The following RAB11FIP3 variants were observed in gnomAD, a reference collection of about 807,000 sequenced individuals.
RAB11FIP3 encodes rab11 family-interacting protein 3.
RAB11FIP3 carries 17 observed loss-of-function variants against 77.8 expected under a neutral mutation model. The ratio of observed to expected loss-of-function variants is 0.22; its 90% CI spans 0.15 to 0.33. The LOEUF is 0.33. Ranked by LOEUF, RAB11FIP3 falls within the 10% of genes least tolerant of loss-of-function variation. The probability of loss-of-function intolerance (pLI) is 1.00; values close to 1 mark genes in which losing one functional copy is unlikely to be tolerated. For missense variants in RAB11FIP3, 1,005 were observed against 1,011.2 expected, an observed-to-expected ratio of 0.99 and a Z score of 0.08; for synonymous variants, 437 against 448.2, an observed-to-expected ratio of 0.98 and a Z score of 0.31.
At position 471,814 on chromosome 16, in the gene RAB11FIP3, T is replaced by C. The variant is rs892375778; in HGVS notation, c.903+425T>C. On this transcript the variant is annotated intron_variant, in intron 3 of 13. Transcript: ENST00000262305. The surrounding 1 kb of genome is among the most constrained non-coding windows in gnomAD (Gnocchi z 4.4). The stretch of plus-strand genomic sequence containing the variant: ...CTCCCAGATGCAGCCAGGGTTGTCA[T>C]GGTGACGTGGCGTCTCCTGTGTCTC... 6.6e-6 allele frequency among the ~76,000 whole-genome samples: 1 copy of C among 152,154 alleles called. No individual in the cohort carries two copies. The highest frequency in any genetic ancestry group is 1.5e-5 in the Non-Finnish European group (1 of 68,006).
At chr16:519,334 G>T (rs778914012) in intron 10 of RAB11FIP3, among the ~76,000 whole-genome samples, 6 of 152,232 alleles carry the variant, frequency 3.9e-5, no homozygotes, top group Non-Finnish European at 8.8e-5. Flanking sequence ...TACACATGGG[G>T]CTCCCACACC....
At chr16:432,788 T>A (rs1253899462) in intron 1 of RAB11FIP3, among the ~76,000 whole-genome samples, 3 of 151,516 alleles carry the variant, frequency 2.0e-5, no homozygotes, top group African/African-American at 7.3e-5. Flanking sequence ...GTATTTTTAA[T>A]AGAGATGGGG....
chr16:480,787 T>G (rs1596253820), intron 3 of RAB11FIP3, among the ~76,000 whole-genome samples: 2 of 135,446 alleles, frequency 1.5e-5, no homozygotes, highest in African/African-American at 5.1e-5. Flanking sequence ...CGTGAGCCAC[T>G]GCGCCCGGCC....
intron 4 of RAB11FIP3, among the ~76,000 whole-genome samples, chr16:486,421 A>G (rs1233142355): frequency 2.0e-5 from 3 of 152,164 alleles, no homozygotes; most frequent in African/African-American, 7.2e-5. Context: ...GAACCCAGAG[A>G]GGCAGAGTTT....
At chr16:453,450 C>T (rs2055442396) in intron 1 of RAB11FIP3, 1 of 152,174 alleles carries the variant, frequency 6.6e-6, no homozygotes, top group African/African-American at 2.4e-5. Context: ...TGTGGAATGA[C>T]ATTTTGCATG....
intron 1 of RAB11FIP3, among the ~76,000 whole-genome samples, chr16:427,506 G>T (rs1013983345): frequency 1.3e-5 from 2 of 152,358 alleles, no homozygotes; most frequent in African/African-American, 4.8e-5. Context: ...TGGGCCCCAA[G>T]ATGCAGTTGT....
At chr16:431,278 G>A (rs960925664) in intron 1 of RAB11FIP3, among the ~76,000 whole-genome samples, 2 of 152,126 alleles carry the variant, frequency 1.3e-5, no homozygotes, top group Non-Finnish European at 2.9e-5. Context: ...CTGAATTGCT[G>A]AAAGGCAAAT....
chr16:473,308 C>G (rs1186089768), intron 3 of RAB11FIP3, among the ~76,000 whole-genome samples: 4 of 152,136 alleles, frequency 2.6e-5, no homozygotes, highest in Admixed American at 2.6e-4. Flanking sequence ...ATCCTGATTT[C>G]TTTTTTAGAA....
chr16:444,877 G>C (rs1023226764), intron 1 of RAB11FIP3, among the ~76,000 whole-genome samples: 7 of 152,042 alleles, frequency 4.6e-5, no homozygotes, highest in Non-Finnish European at 1.0e-4. Flanking sequence ...CACTTCGGGA[G>C]GCCAAGGCAG....
intron 5 of RAB11FIP3, among the ~76,000 whole-genome samples, chr16:493,850 C>T (rs983692117): frequency 4.1e-5 from 6 of 147,586 alleles, no homozygotes; most frequent in Admixed American, 2.0e-4. Flanking sequence ...CCTTGACCCC[C>T]CAAAGTGCTG....
At chr16:484,363 T>C (rs1489017267) in intron 4 of RAB11FIP3, among the ~76,000 whole-genome samples, 2 of 151,964 alleles carry the variant, frequency 1.3e-5, no homozygotes, top group Non-Finnish European at 2.9e-5. Context: ...GCCATTTTTT[T>C]TTTTTTGAGA....
chr16:431,382 C>A (rs989147415), intron 1 of RAB11FIP3, among the ~76,000 whole-genome samples: 1 of 143,456 alleles, frequency 7.0e-6, no homozygotes, highest in Non-Finnish European at 1.5e-5. Context: ...TCTTTTCAGA[C>A]TTTTTTTTTT....
intron 4 of RAB11FIP3, among the ~76,000 whole-genome samples, chr16:483,886 C>T (rs1022238220): frequency 1.3e-5 from 2 of 152,056 alleles, no homozygotes; most frequent in African/African-American, 4.8e-5. Context: ...TCTGCTTTGA[C>T]CTGGAAGCCC....
intron 1 of RAB11FIP3, among the ~76,000 whole-genome samples, chr16:429,429 A>G (rs907704839): frequency 5.9e-5 from 9 of 152,080 alleles, no homozygotes; most frequent in Non-Finnish European, 1.3e-4. Flanking sequence ...ATTTCAAAAT[A>G]TTGAGCACAT....
At chr16:485,042 A>C (rs530108189) in intron 4 of RAB11FIP3, among the ~76,000 whole-genome samples, 114 of 151,988 alleles carry the variant, frequency 7.5e-4, no homozygotes, top group African/African-American at 2.7e-3. Context: ...CTAATAAGGC[A>C]TGCACCTTTT....
At chr16:458,153 G>A (rs2055534260) in intron 1 of RAB11FIP3, among the ~76,000 whole-genome samples, 1 of 152,258 alleles carries the variant, frequency 6.6e-6, no homozygotes, top group Admixed American at 6.5e-5. Flanking sequence ...AGGCATGTTG[G>A]CTGACAGTGG....
intron 5 of RAB11FIP3, 36 bp downstream of exon 5, chr16:489,036 C>T (rs755149756): frequency 1.3e-6 from 2 of 1,597,340 alleles, no homozygotes; most frequent in South Asian, 1.1e-5. Context: ...CCTCCTCCCT[C>T]TTCTTCCCGT....
At chr16:480,296 A>AAAAAAAG (rs1555503648) in intron 3 of RAB11FIP3, among the ~76,000 whole-genome samples, 1 of 151,516 alleles carries the variant, frequency 6.6e-6, no homozygotes, top group Non-Finnish European at 1.5e-5. Context: ...CAAAAAAAAA[A>AAAAAAAG]AAAAAAAAAA....
chr16:505,228 G>A lies in RAB11FIP3; in HGVS notation c.1396-296G>A, dbSNP rs1317747520. ...AGACCCAACTGTGTGTTGGGGGGCTGAGTCTTGCTGCCCACCAGCCAGCCA... is the reference window on the plus strand; with the variant it reads ...AGACCCAACTGTGTGTTGGGGGGCTAAGTCTTGCTGCCCACCAGCCAGCCA... On this transcript the variant is annotated intron_variant, in intron 7 of 13. Transcript: ENST00000262305. The surrounding 1 kb of genome is among the most constrained non-coding windows in gnomAD (Gnocchi z 4.0). Among the ~76,000 whole-genome samples the A allele has an allele frequency of 6.6e-6, 1 of 151,994 alleles. No homozygotes were observed. The highest frequency in any genetic ancestry group is 1.5e-5 in the Non-Finnish European group (1 of 68,012).
Sources: gnomAD v4.1 joint callset for allele counts (sites outside exome capture counted in the v4.1 genomes callset) on GRCh38, gnomAD v4.1.1 for gene constraint, Gnocchi (gnomAD v3.1) non-coding constraint, MANE v1.5 for transcripts, NCBI Gene and HGNC (gene_info 2026-07-23, HGNC 2026-07-21) for gene names.